The following LRRN1 variants were observed in gnomAD, a reference collection of about 807,000 sequenced individuals.
The protein encoded by LRRN1 is leucine rich repeat neuronal 1.
Under a neutral mutation model 45.8 loss-of-function variants are expected in LRRN1, and 14 were observed. That is an observed-to-expected ratio of 0.31 (90% CI 0.20 to 0.48). The LOEUF (loss-of-function observed/expected upper bound fraction) is 0.48. Among genes scored for constraint, LRRN1 ranks in the 20% least tolerant of loss-of-function variants. The pLI is 0.99. For missense variants in LRRN1, 789 were observed against 874.2 expected, an observed-to-expected ratio of 0.90 and a Z score of 1.23; for synonymous variants, 359 against 330.1, an observed-to-expected ratio of 1.09 and a Z score of -0.95.
At position 3,845,651 on chromosome 3, in the gene LRRN1, C is replaced by G; in HGVS notation, c.1010C>G (p.Pro337Arg). 6.2e-7 allele frequency: 1 copy of G among 1,614,050 alleles called. No homozygotes were observed. Among genetic ancestry groups the G allele is most frequent in the South Asian group, 1.1e-5 (1 of 91,072 alleles). Residue 337 changes from proline to arginine, a missense_variant, in exon 2 of 2, where the codon CCT becomes CGT. Transcript: ENST00000319331. The surrounding 1 kb of genome is among the most constrained non-coding windows in gnomAD (Gnocchi z 6.5). ...CACCGCTTGGCTTTCCGAAGTGTCCCTGCTCTGGAAAGCTTGATGCTGAAC... is the reference window on the plus strand; with the variant it reads ...CACCGCTTGGCTTTCCGAAGTGTCCGTGCTCTGGAAAGCTTGATGCTGAAC... ...YIHRLAFRSV[P>R]ALESLMLNNN...
chr3:3,818,295 GAA>G (rs1236109609), intron 1 of LRRN1, among the ~76,000 whole-genome samples: 187 of 152,236 alleles, frequency 1.2e-3, no homozygotes, highest in Non-Finnish European at 1.7e-3. Flanking sequence ...TACAGGGAGA[GAA>G]TTAAAATAAT....
chr3:3,845,334 T>A lies in LRRN1; in HGVS notation c.693T>A (p.Pro231=). The A allele has an allele frequency of 6.2e-7, 1 of 1,614,172 alleles. No individual in the cohort carries two copies. Among genetic ancestry groups the A allele is most frequent in the Non-Finnish European group, 8.5e-7 (1 of 1,180,024 alleles). ...CAGGAATGTATCTCACTGATATTCC[T>A]GGAAATGCTTTGGTGGGTCTGGATA... is the stretch of plus-strand genomic sequence containing the variant. ...VLAGMYLTDI[P]GNALVGLDSL... Residue 231 remains proline (P), a synonymous_variant, in exon 2 of 2, where the codon CCT becomes CCA. Transcript: ENST00000319331. The surrounding 1 kb of genome is among the most constrained non-coding windows in gnomAD (Gnocchi z 6.5).
In LRRN1 at chr3:3,799,626, T is replaced by G. The variant is rs1692595753; in HGVS notation, c.-572T>G. The G allele has an allele frequency of 1.3e-5, 2 of 152,608 alleles. No homozygotes were observed. The highest frequency in any genetic ancestry group is 4.1e-4 in the South Asian group (2 of 4,840). The allele number at this position is 152,608 out of a possible 1,614,324, so 9.5% of individuals were successfully genotyped here. The stretch of plus-strand genomic sequence containing the variant: ...CGCTGCCCCGCCCTCTGCACCCCAC[T>G]TCTCCGACCCTCCTTCCCAGTCCTG... On this transcript the variant is annotated 5_prime_UTR_variant, in exon 1 of 2. Coordinates refer to ENST00000319331, the MANE Select transcript of LRRN1 (RefSeq NM_020873.7).
chr3:3,823,667 G>C (rs1331238769), intron 1 of LRRN1, among the ~76,000 whole-genome samples: 1 of 152,096 alleles, frequency 6.6e-6, no homozygotes, highest in Non-Finnish European at 1.5e-5. Context: ...CAAAAAGAGG[G>C]GGAAACCAGG....
intron 1 of LRRN1, among the ~76,000 whole-genome samples, chr3:3,827,986 ATCAT>A (rs2106462151): frequency 6.6e-6 from 1 of 152,170 alleles, no homozygotes; most frequent in East Asian, 1.9e-4. Context: ...CCTTAAAGAG[ATCAT>A]TCATTACTCC....
intron 1 of LRRN1, chr3:3,827,653 G>A (rs1693254081): frequency 2.6e-6 from 1 of 380,322 alleles, no homozygotes; most frequent in Non-Finnish European, 5.3e-6. Context: ...AAAGAATGAT[G>A]TTTTTTGAAC....
chr3:3,836,874 G>A (rs1693529901), intron 1 of LRRN1, among the ~76,000 whole-genome samples: 1 of 152,122 alleles, frequency 6.6e-6, no homozygotes, highest in East Asian at 1.9e-4. Flanking sequence ...GTTACATGTG[G>A]TTGGCCTGCT....
chr3:3,849,236 T>G lies in LRRN1; in HGVS notation c.*2444T>G, dbSNP rs191717520. The stretch of plus-strand genomic sequence containing the variant: ...GGTGCAATAAATGAAGGGAAAAACC[T>G]CAGCCGTTTCTCCATTCTGAAGATA... On this transcript the variant is annotated 3_prime_UTR_variant, in exon 2 of 2. Coordinates refer to ENST00000319331, the MANE Select transcript of LRRN1 (RefSeq NM_020873.7). 6.6e-6 allele frequency among the ~76,000 whole-genome samples: 1 copy of G among 152,298 alleles called. No individual in the cohort carries two copies. Among genetic ancestry groups the G allele is most frequent in the African/African-American group, 2.4e-5 (1 of 41,570 alleles).
intron 1 of LRRN1, among the ~76,000 whole-genome samples, chr3:3,832,796 A>G (rs1693399007): frequency 6.6e-6 from 1 of 152,166 alleles, no homozygotes; most frequent in African/African-American, 2.4e-5. Flanking sequence ...TATTTTGTCC[A>G]TGTGACCTAG....
chr3:3,817,776 G>A (rs959026562), intron 1 of LRRN1, among the ~76,000 whole-genome samples: 1 of 151,850 alleles, frequency 6.6e-6, no homozygotes. Flanking sequence ...TATAACAAAA[G>A]ACAGCGCAGA....
chr3:3,820,744 GGTT>G (rs1405155177), intron 1 of LRRN1, among the ~76,000 whole-genome samples: 1 of 152,168 alleles, frequency 6.6e-6, no homozygotes, highest in Non-Finnish European at 1.5e-5. Flanking sequence ...GATGTACTCT[GGTT>G]GTTGTTTCAT....
chr3:3,818,227 G>C (rs543429468), intron 1 of LRRN1, among the ~76,000 whole-genome samples: 1 of 152,232 alleles, frequency 6.6e-6, no homozygotes, highest in African/African-American at 2.4e-5. Flanking sequence ...GTAAAGATTT[G>C]GCATTTAACA....
chr3:3,841,577 G>A (rs2106469969), intron 1 of LRRN1, among the ~76,000 whole-genome samples: 1 of 152,054 alleles, frequency 6.6e-6, no homozygotes, highest in African/African-American at 2.4e-5. Flanking sequence ...GGAGTGCAGT[G>A]GCGCCATCTT....
At chr3:3,836,802 G>A (rs977696834) in intron 1 of LRRN1, among the ~76,000 whole-genome samples, 2 of 152,140 alleles carry the variant, frequency 1.3e-5, no homozygotes, top group African/African-American at 2.4e-5. Flanking sequence ...TACAGTGGGT[G>A]GGCCTGTCTG....
At chr3:3,805,289 A>C (rs1473063830) in intron 1 of LRRN1, among the ~76,000 whole-genome samples, 1 of 152,240 alleles carries the variant, frequency 6.6e-6, no homozygotes, top group Non-Finnish European at 1.5e-5. Context: ...CATGCCTATA[A>C]TTTTCCCCTC....
intron 1 of LRRN1, chr3:3,801,382 A>G (rs1011490485): frequency 6.6e-6 from 1 of 152,250 alleles, no homozygotes. Context: ...TTGTCTTGCC[A>G]TGACAATCTA....
chr3:3,832,019 G>A (rs181622973), intron 1 of LRRN1, among the ~76,000 whole-genome samples: 2 of 152,344 alleles, frequency 1.3e-5, no homozygotes, highest in Non-Finnish European at 2.9e-5. Context: ...ACCAGGAGAC[G>A]TGTTAATTTG....
Position 3,844,855 on chromosome 3 carries a change from A to C in LRRN1, c.214A>C (p.Ser72Arg), listed in dbSNP as rs1236664918. The C allele has an allele frequency of 6.2e-7, 1 of 1,614,064 alleles. No individual in the cohort carries two copies. The highest frequency in any genetic ancestry group is 8.5e-7 in the Non-Finnish European group (1 of 1,180,036). ...AACAAGGATTCCCAGTAACCTCTCT[A>C]GTGACACACAAGTGCTTCTCTTACA... is the stretch of plus-strand genomic sequence containing the variant. The part of the protein sequence containing the change: ...RLTRIPSNLS[S>R]DTQVLLLQSN... Residue 72 changes from serine to arginine, a missense_variant, in exon 2 of 2, where the codon AGT becomes CGT. Physicochemically the swap from Ser to Arg is moderately radical, Grantham distance 110. Transcript: ENST00000319331.
chr3:3,812,398 G>A (rs1475232775), intron 1 of LRRN1, among the ~76,000 whole-genome samples: 1 of 152,304 alleles, frequency 6.6e-6, no homozygotes, highest in South Asian at 2.1e-4. Flanking sequence ...CAGGCAAAGC[G>A]TATGGAGAGG....
Sources: allele counts gnomAD v4.1 joint callset (sites outside exome capture counted in the v4.1 genomes callset), GRCh38; gene constraint gnomAD v4.1.1; non-coding constraint Gnocchi (gnomAD v3.1); transcripts MANE v1.5; gene names NCBI Gene and HGNC (gene_info 2026-07-23, HGNC 2026-07-21).